The following MGST1 variants were observed in gnomAD, a reference collection of about 807,000 sequenced individuals.
MGST1 encodes the protein glutathione S-transferase 12.
In MGST1, 5 loss-of-function variants were observed where a neutral mutation model predicts 8.9. The observed-to-expected ratio is 0.56, with a 90% CI of 0.29 to 1.19. The LOEUF (loss-of-function observed/expected upper bound fraction) is 1.19, where lower values mean the gene tolerates loss of function less well. Ranked by LOEUF, MGST1 falls within the 50% of genes most tolerant of loss-of-function variation. MGST1 has a pLI of 0.08. For missense variants in MGST1, 182 were observed against 187.4 expected (o/e 0.97, Z 0.17); for synonymous variants, 54 against 67.8 (o/e 0.80, Z 1.00).
chr12:16,401,510 A>G lies in MGST1; in HGVS notation n.778+17906A>G, dbSNP rs763649581. The G allele has an allele frequency of 4.5e-6, 4 of 897,476 alleles. No homozygotes were observed. The highest frequency in any genetic ancestry group is 7.4e-6 in the Non-Finnish European group (4 of 540,162). The allele number at this position is 897,476 out of a possible 1,614,324, so 55.6% of individuals were successfully genotyped here. A position where few individuals can be genotyped will look rare whatever the true frequency, so the allele number is the denominator to read the frequency against. The stretch of plus-strand genomic sequence containing the variant: ...AGCAGCTCTTCTTGAAGCTGGAGTA[A>G]AAAGTTGTAATTTTCTTGAACTTCC... On this transcript the variant is annotated intron_variant and non_coding_transcript_variant, in intron 1 of 1. Coordinates refer to the MGST1 transcript ENST00000359720. This position sits in a 1 kb window ranked among gnomAD's most constrained non-coding sequence, Gnocchi z 4.3.
chr12:16,399,083 G>T (rs953746083), intron 1 of MGST1, among the ~76,000 whole-genome samples: 1 of 152,162 alleles, frequency 6.6e-6, no homozygotes, highest in Non-Finnish European at 1.5e-5. Flanking sequence ...TCTGAATGGG[G>T]CCATTGGCAC....
rs567224448 is a variant in MGST1, at chr12:16,547,317, T to C, written n.483-42211T>C. Among the ~76,000 whole-genome samples, 257 of 152,304 alleles carry C rather than the reference T, an allele frequency of 1.7e-3. No individual in the cohort carries two copies. The highest frequency in any genetic ancestry group is 2.9e-3 in the Non-Finnish European group (196 of 68,026). ...TTTCAACAGAGCTCTATTGTAATCA[T>C]AGCAATCTGAGGGTGACTCATTAAT... On this transcript the variant is annotated intron_variant and non_coding_transcript_variant, in intron 4 of 4. Transcript: ENST00000538857. This position sits in a 1 kb window ranked among gnomAD's most constrained non-coding sequence, Gnocchi z 4.6.
At chr12:16,392,449 C>A (rs986065227) in intron 1 of MGST1, among the ~76,000 whole-genome samples, 1 of 152,126 alleles carries the variant, frequency 6.6e-6, no homozygotes, top group Non-Finnish European at 1.5e-5. Flanking sequence ...AGATTTCTAT[C>A]AAATTTCTTT....
chr12:16,563,759 A>G lies in MGST1; in HGVS notation n.483-25769A>G, dbSNP rs112993106. ...AGTCGTACACTGAGACAGACAAAGC[A>G]TTATTTTAAAAAGGAAGTCATTTTG... On this transcript the variant is annotated intron_variant and non_coding_transcript_variant, in intron 4 of 4. Transcript: ENST00000538857. 9.4e-3 allele frequency among the ~76,000 whole-genome samples: 1,427 copies of G among 152,334 alleles called. 28 individuals are homozygous for G. The highest frequency in any genetic ancestry group is 0.033 in the African/African-American group (1,360 of 41,578).
intron 1 of MGST1, among the ~76,000 whole-genome samples, chr12:16,425,176 A>G (rs1940874814): frequency 6.6e-6 from 1 of 152,186 alleles, no homozygotes; most frequent in Admixed American, 6.5e-5. Context: ...TGTATTTTGT[A>G]CTTTATCTAC....
intron 4 of MGST1, among the ~76,000 whole-genome samples, chr12:16,515,308 C>A (rs1181837859): frequency 6.6e-6 from 1 of 152,074 alleles, no homozygotes; most frequent in African/African-American, 2.4e-5. Flanking sequence ...AAATTTTTAT[C>A]CCATTCTACC....
rs577351140 is a variant in MGST1 at position 16,587,814 on chromosome 12, C to T, written n.483-1714C>T. Among the ~76,000 whole-genome samples the T allele has an allele frequency of 6.6e-6, 1 of 152,038 alleles. No individual in the cohort carries two copies. Among genetic ancestry groups the T allele is most frequent in the South Asian group, 2.1e-4 (1 of 4,806 alleles). On this transcript the variant is annotated intron_variant and non_coding_transcript_variant, in intron 4 of 4. Coordinates refer to the MGST1 transcript ENST00000538857. This position sits in a 1 kb window ranked among gnomAD's most constrained non-coding sequence, Gnocchi z 4.3. The stretch of plus-strand genomic sequence containing the variant: ...TCACTGTGTCCTGAATGGGGGGTTT[C>T]AGGGGGAGGGAGAGGAACCTTGTCT...
intron 4 of MGST1, among the ~76,000 whole-genome samples, chr12:16,478,479 T>C (rs1038811279): frequency 6.6e-6 from 1 of 152,278 alleles, no homozygotes; most frequent in African/African-American, 2.4e-5. Context: ...TAGTTATACT[T>C]TGCACTGCCA....
At position 16,503,751 on chromosome 12, in the gene MGST1, C is replaced by A. The variant is rs1659899683; in HGVS notation, n.483-85777C>A. On this transcript the variant is annotated intron_variant and non_coding_transcript_variant, in intron 4 of 4. Coordinates refer to the MGST1 transcript ENST00000538857. This position sits in a 1 kb window ranked among gnomAD's most constrained non-coding sequence, Gnocchi z 4.8. ...GTGGTAACACCTGGAAGTTACCACC[C>A]CTTTCCATGACAATGACCCAACGAC... Among the ~76,000 whole-genome samples, 1 of 152,072 alleles carries A rather than the reference C, an allele frequency of 6.6e-6. No homozygotes were observed. Among genetic ancestry groups the A allele is most frequent in the African/African-American group, 2.4e-5 (1 of 41,394 alleles).
At chr12:16,508,723 C>T (rs1941557445) in intron 4 of MGST1, among the ~76,000 whole-genome samples, 1 of 152,088 alleles carries the variant, frequency 6.6e-6, no homozygotes, top group Non-Finnish European at 1.5e-5. Flanking sequence ...CTTTTTGTGC[C>T]TGATCAAATG....
intron 1 of MGST1, among the ~76,000 whole-genome samples, chr12:16,433,609 G>A (rs561346362): frequency 2.6e-5 from 4 of 152,182 alleles, no homozygotes; most frequent in African/African-American, 9.6e-5. Context: ...ACCCACATTA[G>A]GGAGGCCAAT....
chr12:16,560,555 T>C lies in MGST1; in HGVS notation n.483-28973T>C, dbSNP rs1246230869. On this transcript the variant is annotated intron_variant and non_coding_transcript_variant, in intron 4 of 4. Coordinates refer to the MGST1 transcript ENST00000538857. This position sits in a 1 kb window ranked among gnomAD's most constrained non-coding sequence, Gnocchi z 5.0. ...CCAAAGAGCCTAGAATAAGAAACAT[T>C]TTTTTTTTTTTACAAACTCTTACAG... 29 of 1,464,002 alleles carry C rather than the reference T, an allele frequency of 2.0e-5. No homozygotes were observed. The highest frequency in any genetic ancestry group is 2.5e-5 in the Non-Finnish European group (28 of 1,100,838). 90.7% of individuals were successfully genotyped at this position (1,464,002 alleles called of 1,614,324 possible).
At chr12:16,408,428 A>G (rs1344405048) in intron 1 of MGST1, among the ~76,000 whole-genome samples, 2 of 152,172 alleles carry the variant, frequency 1.3e-5, no homozygotes, top group African/African-American at 4.8e-5. Context: ...ATTTTAATGA[A>G]TATAGAATTA....
rs1941625376 is a variant in MGST1 at position 16,517,986 on chromosome 12, C to T, written n.483-71542C>T. ...CAGACACTAGGCAGTGATACATTCA[C>T]CAAAGTGATGGTGGTCACACTGAGG... On this transcript the variant is annotated intron_variant and non_coding_transcript_variant, in intron 4 of 4. Transcript: ENST00000538857. The surrounding 1 kb of genome is among the most constrained non-coding windows in gnomAD (Gnocchi z 4.2). Among the ~76,000 whole-genome samples the T allele has an allele frequency of 6.6e-6, 1 of 152,170 alleles. No individual in the cohort carries two copies. Among genetic ancestry groups the T allele is most frequent in the Non-Finnish European group, 1.5e-5 (1 of 68,024 alleles).
intron 4 of MGST1, among the ~76,000 whole-genome samples, chr12:16,522,927 C>T (rs1941657999): frequency 6.6e-6 from 1 of 151,968 alleles, no homozygotes; most frequent in Non-Finnish European, 1.5e-5. Context: ...AAATTCCCCA[C>T]AGTGGCAATA....
At chr12:16,538,527 A>G (rs966084592) in intron 4 of MGST1, among the ~76,000 whole-genome samples, 3 of 152,154 alleles carry the variant, frequency 2.0e-5, no homozygotes, top group African/African-American at 7.2e-5. Context: ...TGAGACTAGG[A>G]AGAAAAAGAC....
chr12:16,566,124 A>C (rs1235476446), intron 4 of MGST1, among the ~76,000 whole-genome samples: 1 of 147,716 alleles, frequency 6.8e-6, no homozygotes, highest in African/African-American at 2.5e-5. Flanking sequence ...CATCATGTTA[A>C]ATGAAATAAG....
intron 1 of MGST1, among the ~76,000 whole-genome samples, chr12:16,353,647 C>A (rs922563016): frequency 2.7e-5 from 4 of 150,742 alleles, no homozygotes; most frequent in Non-Finnish European, 5.9e-5. Flanking sequence ...ATGTTTAGGG[C>A]ATTTTTGCTA....
chr12:16,560,323 A>G lies in MGST1; in HGVS notation n.483-29205A>G, dbSNP rs1436631560. 3 of 1,380,914 alleles carry G rather than the reference A, an allele frequency of 2.2e-6. No individual in the cohort carries two copies. In the East Asian group the frequency reaches 7.1e-5, roughly 33 times the overall value. 85.5% of individuals were successfully genotyped at this position (1,380,914 alleles called of 1,614,324 possible). ...GAAAAACGCTGAGATTGATTGCTTTAAATGTATGAATATAATTTCCACCTA... is the reference window on the plus strand; with the variant it reads ...GAAAAACGCTGAGATTGATTGCTTTGAATGTATGAATATAATTTCCACCTA... On this transcript the variant is annotated intron_variant and non_coding_transcript_variant, in intron 4 of 4. Transcript: ENST00000538857. The surrounding 1 kb of genome is among the most constrained non-coding windows in gnomAD (Gnocchi z 5.0).
Sources: gnomAD v4.1 joint callset for allele counts (sites outside exome capture counted in the v4.1 genomes callset) on GRCh38, gnomAD v4.1.1 for gene constraint, Gnocchi (gnomAD v3.1) non-coding constraint, MANE v1.5 for transcripts, NCBI Gene and HGNC (gene_info 2026-07-23, HGNC 2026-07-21) for gene names.